Variants in UGGT2 observed in about 807,000 individuals in gnomAD.
UGGT2 encodes the protein UDP-glucose:glycoprotein glucosyltransferase 2.
A neutral mutation model predicts 192.1 loss-of-function variants in UGGT2; 180 were observed. That is an observed-to-expected ratio of 0.94 (90% CI 0.83 to 1.06). The LOEUF (loss-of-function observed/expected upper bound fraction) is 1.06. Ranked by LOEUF, UGGT2 falls within the 50% of genes least tolerant of loss-of-function variation. The pLI, the probability that UGGT2 is intolerant of heterozygous loss-of-function variation, is 0.00. For synonymous variants in UGGT2, 580 were observed against 591.0 expected (o/e 0.98, Z 0.27); for missense variants, 1,849 against 1,795.7 (o/e 1.03, Z -0.54).
intron 29 of UGGT2, among the ~76,000 whole-genome samples, chr13:95,868,921 C>T (rs1390068943): frequency 6.6e-6 from 1 of 151,744 alleles, no homozygotes; most frequent in African/African-American, 2.4e-5. Context: ...TTTTAGGGTA[C>T]ATGTGCACAA....
At chr13:96,052,288 T>C (rs553470323) in intron 1 of UGGT2, among the ~76,000 whole-genome samples, 19 of 152,220 alleles carry the variant, frequency 1.2e-4, no homozygotes, top group Admixed American at 7.9e-4. Flanking sequence ...AGGCATAAGA[T>C]TGACACAATG....
intron 15 of UGGT2, among the ~76,000 whole-genome samples, chr13:95,946,366 G>C (rs1428751758): frequency 6.6e-6 from 1 of 152,066 alleles, no homozygotes; most frequent in Non-Finnish European, 1.5e-5. Flanking sequence ...ATTTAACTCT[G>C]CAATGATTTT....
chr13:95,821,618 G>A lies in UGGT2; in HGVS notation c.4528+11309C>T, dbSNP rs866853730. The stretch of plus-strand genomic sequence containing the variant: ...CTTATTTTTGTTCCATTTGCTTTTG[G>A]AGTCTTGGTCATGAATTCTTTGCCT... On this transcript the variant is annotated intron_variant, in intron 38 of 38. Transcript: ENST00000376747. 5.9e-5 allele frequency among the ~76,000 whole-genome samples: 9 copies of A among 152,146 alleles called. No individual in the cohort carries two copies. The East Asian group carries it at 1.3e-3, about 23-fold the overall frequency.
At chr13:95,976,068 T>C (rs147341031) in intron 10 of UGGT2, among the ~76,000 whole-genome samples, 1 of 152,118 alleles carries the variant, frequency 6.6e-6, no homozygotes. Flanking sequence ...GACTGTATTT[T>C]TGCACCCATT....
At chr13:95,970,653 C>CTTT (rs1380984213) in intron 11 of UGGT2, among the ~76,000 whole-genome samples, 4 of 152,008 alleles carry the variant, frequency 2.6e-5, no homozygotes, top group South Asian at 2.1e-4. Context: ...AATTCTAATA[C>CTTT]AGAGGAAGCT....
At chr13:95,838,674 T>A (rs1887552848) in intron 36 of UGGT2, among the ~76,000 whole-genome samples, 1 of 152,060 alleles carries the variant, frequency 6.6e-6, no homozygotes, top group African/African-American at 2.4e-5. Flanking sequence ...TTTGTAAACC[T>A]AAGACTGCTC....
chr13:95,821,873 AGTATTTGGCTTCATTTCTGT>A (rs1294452954), intron 38 of UGGT2, among the ~76,000 whole-genome samples: 8 of 152,020 alleles, frequency 5.3e-5, no homozygotes, highest in Middle Eastern at 3.2e-3. Flanking sequence ...GTTGGCTGTA[AGTATTTGGCTTCATTTCTGT>A]GTTCTCCCTG....
intron 27 of UGGT2, among the ~76,000 whole-genome samples, chr13:95,883,917 A>AG (rs1178491493): frequency 2.0e-5 from 3 of 152,158 alleles, no homozygotes; most frequent in Admixed American, 1.3e-4. Flanking sequence ...CAGCTGAGGA[A>AG]GAGAAGTCTG....
chr13:95,929,201 T>A (rs1195924037), intron 17 of UGGT2, among the ~76,000 whole-genome samples: 1 of 152,104 alleles, frequency 6.6e-6, no homozygotes, highest in African/African-American at 2.4e-5. Context: ...GGAGGGAGAA[T>A]ACATTTCCTT....
intron 36 of UGGT2, among the ~76,000 whole-genome samples, chr13:95,844,260 C>A (rs1378759132): frequency 2.0e-5 from 3 of 152,288 alleles, no homozygotes; most frequent in Non-Finnish European, 4.4e-5. Flanking sequence ...CCACGCCTGG[C>A]CTGTTTTGGC....
At chr13:95,990,130 A>G in intron 7 of UGGT2, 57 bp from the exon 8 acceptor site, 6 of 1,095,734 alleles carry the variant, frequency 5.5e-6, no homozygotes, top group Non-Finnish European at 7.7e-6. Context: ...ACCATTATAC[A>G]AACAGCATAT....
intron 22 of UGGT2, among the ~76,000 whole-genome samples, chr13:95,898,971 G>A (rs2048025925): frequency 6.6e-6 from 1 of 152,206 alleles, no homozygotes; most frequent in South Asian, 2.1e-4. Flanking sequence ...CCCATGTGTT[G>A]AAACTTAGTG....
At chr13:95,981,333 G>A (rs1482853296) in intron 10 of UGGT2, among the ~76,000 whole-genome samples, 1 of 9,952 alleles carries the variant, frequency 1.0e-4, no homozygotes, top group Non-Finnish European at 5.1e-4. Context: ...GCGTGGTGGC[G>A]CGCGCCTGTG....
intron 2 of UGGT2, among the ~76,000 whole-genome samples, chr13:96,027,365 A>G (rs549908739): frequency 6.6e-6 from 1 of 152,308 alleles, no homozygotes; most frequent in African/African-American, 2.4e-5. Context: ...TATAATTTAG[A>G]TGTAACTAGC....
At chr13:95,809,359 G>A (rs1884468695) in intron 38 of UGGT2, 3 of 422,390 alleles carry the variant, frequency 7.1e-6, no homozygotes, top group Admixed American at 2.9e-5. Flanking sequence ...AACTCTCCAC[G>A]GTTTTTGTTT....
At position 95,983,839 on chromosome 13, in the gene UGGT2, G is replaced by A; in HGVS notation, c.1057C>T (p.Gln353Ter). The change falls in exon 10 of 39, where the codon CAA becomes TAA. Residue 353 changes from glutamine (Q) to a stop codon, truncating the protein, a stop_gained. Coordinates refer to ENST00000376747, the MANE Select transcript of UGGT2 (RefSeq NM_020121.4). LOFTEE classifies it high-confidence loss of function. Reference protein sequence around the residue: ...ARSLTRIAVNQHMREEIKENQ... With the variant: ...ARSLTRIAVN ...TCCTTTATTTCTTCTCTCATATGTT[G>A]ATTTACAGCAATTCTGGTTAGAGAT... 6.4e-7 allele frequency: 1 copy of A among 1,568,014 alleles called. No individual in the cohort carries two copies. The highest frequency in any genetic ancestry group is 8.6e-7 in the Non-Finnish European group (1 of 1,157,388).
chr13:96,021,919 TA>T (rs2052525446), intron 4 of UGGT2, among the ~76,000 whole-genome samples: 1 of 152,134 alleles, frequency 6.6e-6, no homozygotes, highest in African/African-American at 2.4e-5. Context: ...TAATTCTAAT[TA>T]AACCCTAACA....
At chr13:95,857,089 T>C (rs1225916375) in intron 33 of UGGT2, among the ~76,000 whole-genome samples, 1 of 152,144 alleles carries the variant, frequency 6.6e-6, no homozygotes, top group Non-Finnish European at 1.5e-5. Context: ...TTTCTGGTTA[T>C]ATGTTTAATT....
intron 36 of UGGT2, among the ~76,000 whole-genome samples, chr13:95,850,146 T>C (rs1438673459): frequency 6.6e-6 from 1 of 152,208 alleles, no homozygotes; most frequent in East Asian, 1.9e-4. Flanking sequence ...TTCTTAGTGC[T>C]ATAAATTTAT....
Sources: gnomAD v4.1 joint callset for allele counts (sites outside exome capture counted in the v4.1 genomes callset) on GRCh38, gnomAD v4.1.1 for gene constraint, MANE v1.5 for transcripts, NCBI Gene and HGNC (gene_info 2026-07-23, HGNC 2026-07-21) for gene names.